Variants in DCDC1 observed in about 807,000 individuals in gnomAD.
DCDC1 encodes doublecortin domain containing 1, also known as doublecortin domain-containing protein 1.
DCDC1 carries 200 observed loss-of-function variants against 178.3 expected under a neutral mutation model. The observed-to-expected ratio is 1.12, with a 90% CI of 1.00 to 1.26. The LOEUF (loss-of-function observed/expected upper bound fraction) is 1.26, where lower values mean the gene tolerates loss of function less well. Among genes scored for constraint, DCDC1 ranks in the 50% most tolerant of loss-of-function variants. The pLI is 0.00. For missense variants in DCDC1, 1,983 were observed against 1,749.2 expected (o/e 1.13, Z -2.38); for synonymous variants, 690 against 604.8 (o/e 1.14, Z -2.07).
chr11:31,361,094 T>C lies in DCDC1; in HGVS notation c.-125+8603A>G, dbSNP rs990567260. ...ATGAATTTCAGATGGTTCTCAACTT[T>C]CCAAAACCCAAAAAGTTCATCTGTG... On this transcript the variant is annotated intron_variant, in intron 1 of 38. Coordinates refer to ENST00000684477, the MANE Select transcript of DCDC1 (RefSeq NM_001387274.1). Among the ~76,000 whole-genome samples the C allele has an allele frequency of 1.1e-4, 17 of 152,324 alleles. No individual in the cohort carries two copies. In the East Asian group the frequency reaches 3.1e-3, roughly 28 times the overall value.
intron 9 of DCDC1, among the ~76,000 whole-genome samples, chr11:31,218,882 T>G (rs1268697401): frequency 3.3e-5 from 5 of 152,104 alleles, no homozygotes; most frequent in Admixed American, 2.6e-4. Context: ...TAAAATTTGG[T>G]GGGTAGATAT....
chr11:31,046,223 T>C (rs1031665526), intron 20 of DCDC1, among the ~76,000 whole-genome samples: 3 of 152,198 alleles, frequency 2.0e-5, no homozygotes, highest in African/African-American at 4.8e-5. Context: ...GCTTTTGAAA[T>C]TGGCTTTTTC....
chr11:30,897,971 C>T (rs1382900790), intron 34 of DCDC1, among the ~76,000 whole-genome samples: 1 of 152,096 alleles, frequency 6.6e-6, no homozygotes, highest in Non-Finnish European at 1.5e-5. Flanking sequence ...ACCTTAAAAA[C>T]ACAGAATGAG....
At chr11:31,356,062 C>T (rs540157240) in intron 1 of DCDC1, among the ~76,000 whole-genome samples, 2 of 152,246 alleles carry the variant, frequency 1.3e-5, no homozygotes, top group Admixed American at 6.5e-5. Context: ...CTCTTTTCTT[C>T]CCCTCTTACC....
In DCDC1 at chr11:30,922,581, T is replaced by G. The variant is rs772082841; in HGVS notation, c.3055A>C (p.Lys1019Gln). 8 of 1,588,030 alleles carry G rather than the reference T, an allele frequency of 5.0e-6. No individual in the cohort carries two copies. The highest frequency in any genetic ancestry group is 3.3e-4 in the Middle Eastern group (2 of 5,990). ...INPDLSIAQQ[K>Q]KQIFLRNLES... ...AGGTTCCTCAGGAATATTTGTTTCT[T>G]TTGCTGAGCAATGGACAGGTCAGGA... Residue 1019 changes from lysine to glutamine, a missense_variant, in exon 24 of 39, where the codon AAG (lysine) becomes CAG (glutamine). By Grantham distance (53) the Lys-to-Gln change is moderately conservative. Coordinates refer to ENST00000684477, the MANE Select transcript of DCDC1 (RefSeq NM_001387274.1).
intron 21 of DCDC1, among the ~76,000 whole-genome samples, chr11:30,936,003 C>T (rs944827463): frequency 4.6e-5 from 7 of 152,094 alleles, no homozygotes; most frequent in East Asian, 3.9e-4. Context: ...GTTTGCACAG[C>T]GGTCTCAGTG....
At chr11:31,203,161 A>G (rs756643943) in intron 9 of DCDC1, among the ~76,000 whole-genome samples, 2 of 152,228 alleles carry the variant, frequency 1.3e-5, no homozygotes, top group African/African-American at 2.4e-5. Flanking sequence ...GACAGCCAAA[A>G]AATTTTGAAC....
intron 1 of DCDC1, among the ~76,000 whole-genome samples, chr11:31,348,475 A>G (rs1457970320): frequency 6.6e-6 from 1 of 152,196 alleles, no homozygotes; most frequent in Admixed American, 6.5e-5. Context: ...ATATTCCACT[A>G]AACAAGAGGT....
At chr11:31,040,487 G>C (rs1252908608) in intron 20 of DCDC1, among the ~76,000 whole-genome samples, 1 of 152,132 alleles carries the variant, frequency 6.6e-6, no homozygotes, top group Non-Finnish European at 1.5e-5. Context: ...ACTAGATTTA[G>C]CTTCTGGATC....
intron 18 of DCDC1, 37 bp from the exon 19 acceptor site, chr11:31,065,190 T>C: frequency 1.5e-6 from 1 of 674,516 alleles, no homozygotes; most frequent in Non-Finnish European, 2.7e-6. Context: ...AGTATCACCC[T>C]TATAAACAAT....
At chr11:31,277,028 C>T (rs1212588235) in intron 7 of DCDC1, among the ~76,000 whole-genome samples, 1 of 152,032 alleles carries the variant, frequency 6.6e-6, no homozygotes, top group Non-Finnish European at 1.5e-5. Flanking sequence ...TAAGTAGGTG[C>T]AGTTGATGCA....
At chr11:30,879,748 GT>G (rs751325927) in intron 37 of DCDC1, among the ~76,000 whole-genome samples, 1 of 152,142 alleles carries the variant, frequency 6.6e-6, no homozygotes, top group Non-Finnish European at 1.5e-5. Flanking sequence ...TCCAGTCACA[GT>G]TTTTATTGTT....
chr11:31,216,118 T>C (rs539967498), intron 9 of DCDC1, among the ~76,000 whole-genome samples: 1 of 152,154 alleles, frequency 6.6e-6, no homozygotes, highest in Non-Finnish European at 1.5e-5. Context: ...CCAAGAAACT[T>C]CAAAAGGGAG....
chr11:31,119,707 G>C (rs1960518261), intron 11 of DCDC1, among the ~76,000 whole-genome samples: 1 of 152,060 alleles, frequency 6.6e-6, no homozygotes. Flanking sequence ...CAAAATAGAA[G>C]GCAAATCTCA....
chr11:31,006,433 A>T (rs1951849491), intron 20 of DCDC1, among the ~76,000 whole-genome samples: 1 of 152,162 alleles, frequency 6.6e-6, no homozygotes, highest in Non-Finnish European at 1.5e-5. Context: ...CCTTATCCCC[A>T]GGACTGTTCT....
At chr11:30,923,401 C>CTTTTT (rs10637054) in intron 23 of DCDC1, among the ~76,000 whole-genome samples, 1 of 130,594 alleles carries the variant, frequency 7.7e-6, no homozygotes, top group African/African-American at 2.9e-5. Flanking sequence ...TCCTCTTCTC[C>CTTTTT]TTTTTTTTTT....
intron 20 of DCDC1, among the ~76,000 whole-genome samples, chr11:30,961,888 T>C (rs1949120427): frequency 6.6e-6 from 1 of 152,034 alleles, no homozygotes; most frequent in Admixed American, 6.6e-5. Context: ...GTTCTAGTAC[T>C]CTGGACAGGG....
intron 9 of DCDC1, among the ~76,000 whole-genome samples, chr11:31,212,066 G>C (rs1329277177): frequency 7.0e-6 from 1 of 143,686 alleles, no homozygotes; most frequent in African/African-American, 2.6e-5. Flanking sequence ...CTGGGCGACA[G>C]AGCGAGACTC....
chr11:30,916,990 C>T lies in DCDC1; in HGVS notation c.3332G>A (p.Cys1111Tyr), dbSNP rs1254423908. ...CCAGGCATACCTGGGAAGTGTGTGA[C>T]AAGCCTTCATTCGAAGATGAGCTCT... ...HVRAHLRMKA[C>Y]HTLPRYAWQE... The change falls in exon 26 of 39, where the codon TGT (cysteine) becomes TAT (tyrosine). Residue 1111 changes from cysteine (C) to tyrosine (Y), a missense_variant. Cys to Tyr is a radical substitution (Grantham distance 194). Transcript: ENST00000684477. The T allele has an allele frequency of 5.6e-6, 9 of 1,609,430 alleles. No individual in the cohort carries two copies. Among genetic ancestry groups the T allele is most frequent in the Admixed American group, 1.7e-5 (1 of 59,494 alleles).
Sources: allele counts gnomAD v4.1 joint callset (sites outside exome capture counted in the v4.1 genomes callset), GRCh38; gene constraint gnomAD v4.1.1; transcripts MANE v1.5; gene names NCBI Gene and HGNC (gene_info 2026-07-23, HGNC 2026-07-21).